Variants in IRAG1 observed in about 807,000 individuals in gnomAD.
IRAG1 encodes the protein IP3R-associated cGMP kinase substrate.
In IRAG1, 62 loss-of-function variants were observed where a neutral mutation model predicts 106.2. The observed-to-expected ratio is 0.58, with a 90% CI of 0.48 to 0.72. The LOEUF (loss-of-function observed/expected upper bound fraction) is 0.72, where lower values mean the gene tolerates loss of function less well. Ranked by LOEUF, IRAG1 falls within the 30% of genes least tolerant of loss-of-function variation. The pLI, the probability that IRAG1 is intolerant of heterozygous loss-of-function variation, is 0.00. For synonymous variants in IRAG1, 462 were observed against 443.9 expected, an observed-to-expected ratio of 1.04 and a Z score of -0.51; for missense variants, 1,064 against 1,140.7, an observed-to-expected ratio of 0.93 and a Z score of 0.97.
intron 1 of IRAG1, among the ~76,000 whole-genome samples, chr11:10,664,107 C>G (rs1049481650): frequency 6.6e-6 from 1 of 152,148 alleles, no homozygotes; most frequent in African/African-American, 2.4e-5. Flanking sequence ...CCCAGCTCTT[C>G]CTCAGGGCCA....
At chr11:10,586,969 C>G (rs1237535065) in intron 18 of IRAG1, among the ~76,000 whole-genome samples, 1 of 152,196 alleles carries the variant, frequency 6.6e-6, no homozygotes, top group African/African-American at 2.4e-5. Flanking sequence ...ATGGTTATTT[C>G]CTGAGAACCC....
At chr11:10,598,961 G>C (rs2134283189) in intron 15 of IRAG1, among the ~76,000 whole-genome samples, 1 of 152,310 alleles carries the variant, frequency 6.6e-6, no homozygotes, top group Non-Finnish European at 1.5e-5. Context: ...AACACTATTA[G>C]GGAACAGTCA....
chr11:10,690,398 G>T (rs562707364), intron 1 of IRAG1: 1 of 1,285,526 alleles, frequency 7.8e-7, no homozygotes, highest in Admixed American at 2.3e-5. Flanking sequence ...TTTCCTGTCC[G>T]ACCAACTGTC....
intron 1 of IRAG1, among the ~76,000 whole-genome samples, chr11:10,691,452 C>T (rs1308359509): frequency 2.0e-5 from 3 of 152,112 alleles, no homozygotes; most frequent in Admixed American, 6.5e-5. Flanking sequence ...TAGTTCAGCC[C>T]ATCAGTCAAG....
chr11:10,621,630 T>A (rs538242892), intron 10 of IRAG1, among the ~76,000 whole-genome samples: 1 of 152,288 alleles, frequency 6.6e-6, no homozygotes, highest in African/African-American at 2.4e-5. Context: ...AACCATGAGA[T>A]TTGGAGTCAG....
chr11:10,682,432 G>T (rs1307331324), intron 1 of IRAG1, among the ~76,000 whole-genome samples: 1 of 152,188 alleles, frequency 6.6e-6, no homozygotes, highest in African/African-American at 2.4e-5. Flanking sequence ...TAATGCAACA[G>T]ATCCTTGATG....
chr11:10,607,709 G>A (rs752743888), intron 11 of IRAG1, among the ~76,000 whole-genome samples: 1 of 152,138 alleles, frequency 6.6e-6, no homozygotes, highest in Admixed American at 6.5e-5. Flanking sequence ...CTCTTGAACG[G>A]GTGTGAAGGG....
chr11:10,608,467 G>A (rs1224257670), intron 11 of IRAG1, among the ~76,000 whole-genome samples: 2 of 151,994 alleles, frequency 1.3e-5, no homozygotes, highest in African/African-American at 2.4e-5. Flanking sequence ...GTGGGGGTCT[G>A]GGGGGAAACT....
At chr11:10,632,609 A>G (rs1018495253) in intron 3 of IRAG1, among the ~76,000 whole-genome samples, 3 of 152,228 alleles carry the variant, frequency 2.0e-5, no homozygotes, top group African/African-American at 7.2e-5. Flanking sequence ...AACTCAGATC[A>G]GAAATTCTGG....
intron 1 of IRAG1, among the ~76,000 whole-genome samples, chr11:10,673,498 T>C (rs1479677835): frequency 1.3e-5 from 2 of 151,976 alleles, no homozygotes; most frequent in Non-Finnish European, 1.5e-5. Flanking sequence ...GCTGAGAGGA[T>C]GGGGAAATGG....
rs1489649918 is a variant in IRAG1, at chr11:10,604,495, C to T, written c.1653G>A (p.Leu551=). 6.2e-7 allele frequency: 1 copy of T among 1,613,890 alleles called. No individual in the cohort carries two copies. Among genetic ancestry groups the T allele is most frequent in the Non-Finnish European group, 8.5e-7 (1 of 1,179,898 alleles). ...SLAFRNDSYT[L]ESRINQAERE... ...TTTCAGCCTGGTTAATTCTAGATTC[C>T]AGAGTGTAGCTGTCATTTCTAAAGG... Residue 551 remains leucine (L), a synonymous_variant, in exon 13 of 21, where the codon CTG becomes CTA. Transcript: ENST00000423302.
At chr11:10,685,389 G>A (rs1438913570) in intron 1 of IRAG1, among the ~76,000 whole-genome samples, 2 of 148,612 alleles carry the variant, frequency 1.3e-5, no homozygotes, top group African/African-American at 2.5e-5. Context: ...GTACTTCAGC[G>A]TGGGTGATGC....
chr11:10,692,159 G>A (rs896988812), intron 1 of IRAG1, among the ~76,000 whole-genome samples: 7 of 151,616 alleles, frequency 4.6e-5, no homozygotes, highest in African/African-American at 1.7e-4. Flanking sequence ...AGGTGCATCC[G>A]CTGTGAATAT....
intron 2 of IRAG1, among the ~76,000 whole-genome samples, chr11:10,641,765 A>G (rs980421030): frequency 1.3e-5 from 2 of 152,314 alleles, no homozygotes; most frequent in East Asian, 3.9e-4. Context: ...GGCCATGAGC[A>G]TGGGGTAGAA....
chr11:10,612,415 T>G (rs1056093043), intron 10 of IRAG1, among the ~76,000 whole-genome samples: 2 of 152,184 alleles, frequency 1.3e-5, no homozygotes, highest in Non-Finnish European at 2.9e-5. Context: ...CTATCTTAAC[T>G]TCCCCTTTTC....
intron 1 of IRAG1, chr11:10,658,290 A>T (rs1358215126): frequency 6.6e-6 from 1 of 152,304 alleles, no homozygotes; most frequent in African/African-American, 2.4e-5. Flanking sequence ...TGCTTGGCAG[A>T]TTCCGTTCTA....
Position 10,659,426 on chromosome 11 carries a change from G to A in IRAG1, c.68-7244C>T, listed in dbSNP as rs1323905440. ...GGTGGCAACAGAAAAGGGAGGATGAGGAAGTGGAAGTCACTTCCCCCAAGA... is the reference window on the plus strand; with the variant it reads ...GGTGGCAACAGAAAAGGGAGGATGAAGAAGTGGAAGTCACTTCCCCCAAGA... On this transcript the variant is annotated intron_variant, in intron 1 of 20. Transcript: ENST00000423302. The surrounding 1 kb of genome is among the most constrained non-coding windows in gnomAD (Gnocchi z 4.1). Among the ~76,000 whole-genome samples the A allele has an allele frequency of 6.6e-6, 1 of 152,174 alleles. No individual in the cohort carries two copies. Among genetic ancestry groups the A allele is most frequent in the African/African-American group, 2.4e-5 (1 of 41,432 alleles).
intron 19 of IRAG1, among the ~76,000 whole-genome samples, chr11:10,581,608 C>A (rs1851402759): frequency 6.6e-6 from 1 of 152,004 alleles, no homozygotes; most frequent in Admixed American, 6.5e-5. Context: ...CCAGACTATT[C>A]TGAGCGGTGG....
At chr11:10,649,209 T>C (rs1174608450) in intron 2 of IRAG1, among the ~76,000 whole-genome samples, 1 of 152,132 alleles carries the variant, frequency 6.6e-6, no homozygotes, top group Non-Finnish European at 1.5e-5. Flanking sequence ...GTGGGTGCAA[T>C]AGTGGGAGAA....
Sources: gnomAD v4.1 joint callset for allele counts (sites outside exome capture counted in the v4.1 genomes callset) on GRCh38, gnomAD v4.1.1 for gene constraint, Gnocchi (gnomAD v3.1) non-coding constraint, MANE v1.5 for transcripts, NCBI Gene and HGNC (gene_info 2026-07-23, HGNC 2026-07-21) for gene names.